The following ATF2 variants were observed in gnomAD, a reference collection of about 807,000 sequenced individuals.
The protein encoded by ATF2 is activating transcription factor 2.
In ATF2, 24 loss-of-function variants were observed where a neutral mutation model predicts 60.6. That is an observed-to-expected ratio of 0.40 (90% confidence interval 0.29 to 0.56). ATF2 has a LOEUF of 0.56. Among genes scored for constraint, ATF2 ranks in the 20% least tolerant of loss-of-function variants. The pLI is 0.54. For synonymous variants in ATF2, 206 were observed against 215.4 expected (o/e 0.96, Z 0.38); for missense variants, 433 against 607.7 (o/e 0.71, Z 3.02).
At chr2:175,158,720 T>C (rs1237484105) in intron 1 of ATF2, among the ~76,000 whole-genome samples, 2 of 152,020 alleles carry the variant, frequency 1.3e-5, no homozygotes, top group African/African-American at 4.8e-5. Context: ...CCCAAAGTGC[T>C]GGGATTGTAG....
At chr2:175,082,885 A>G (rs1243967472) in intron 12 of ATF2, among the ~76,000 whole-genome samples, 1 of 152,182 alleles carries the variant, frequency 6.6e-6, no homozygotes, top group East Asian at 1.9e-4. Context: ...TGCATAGGAA[A>G]GCATTTCACA....
intron 11 of ATF2, among the ~76,000 whole-genome samples, chr2:175,093,905 A>C (rs1694723638): frequency 6.6e-6 from 1 of 152,184 alleles, no homozygotes; most frequent in Non-Finnish European, 1.5e-5. Context: ...ATCCCACAGG[A>C]GCCTTAATTT....
intron 4 of ATF2, among the ~76,000 whole-genome samples, chr2:175,122,676 C>T (rs773421401): frequency 2.0e-5 from 3 of 151,968 alleles, no homozygotes; most frequent in African/African-American, 4.8e-5. Context: ...CTCATGTGTG[C>T]GGCACAATGC....
chr2:175,108,716 C>T lies in ATF2; in HGVS notation c.828+2852G>A, dbSNP rs539037160. The stretch of plus-strand genomic sequence containing the variant: ...TGAGAACGGGCCATGATGACGATGG[C>T]GGTTTTGCGGAATAGAAAAGGGGGA... On this transcript the variant is annotated intron_variant, in intron 10 of 13. Transcript: ENST00000264110. Among the ~76,000 whole-genome samples the T allele has an allele frequency of 9.2e-5, 14 of 152,170 alleles. No homozygotes were observed. The South Asian group carries it at 2.9e-3, about 32-fold the overall frequency.
intron 2 of ATF2, among the ~76,000 whole-genome samples, chr2:175,137,512 A>C (rs1476986789): frequency 1.3e-5 from 2 of 152,180 alleles, no homozygotes. Context: ...TTTAAACATC[A>C]ACTATACACA....
intron 11 of ATF2, among the ~76,000 whole-genome samples, chr2:175,095,095 T>C (rs1694839165): frequency 6.6e-6 from 1 of 152,056 alleles, no homozygotes; most frequent in African/African-American, 2.4e-5. Context: ...TCCTCCTATT[T>C]TTCTTTTTCT....
chr2:175,140,999 G>GA lies in ATF2; in HGVS notation c.-43-4514dup, dbSNP rs869208203. ...GGGATAGAGCAAGACCCTATCTCAGGAAAAAAAAAAAAAAAAAAAAAAAAA... is the reference window on the plus strand; with the variant it reads ...GGGATAGAGCAAGACCCTATCTCAGGAAAAAAAAAAAAAAAAAAAAAAAAAA... On this transcript the variant is annotated intron_variant, in intron 2 of 13. Transcript: ENST00000264110. 3.0e-4 allele frequency among the ~76,000 whole-genome samples: 8 copies of GA among 26,772 alleles called. 1 individual carries two copies. The highest frequency in any genetic ancestry group is 7.4e-4 in the Admixed American group (1 of 1,358). The allele number at this position is 26,772 out of a possible 152,430, so 17.6% of individuals were successfully genotyped here. A position where few individuals can be genotyped will look rare whatever the true frequency, so the allele number is the denominator to read the frequency against.
chr2:175,129,982 G>T (rs1335041323), intron 4 of ATF2, among the ~76,000 whole-genome samples, 156 bp downstream of exon 4: 2 of 151,758 alleles, frequency 1.3e-5, no homozygotes, highest in African/African-American at 4.8e-5. Flanking sequence ...AGAAAAAGCA[G>T]AATTTCTTGC....
chr2:175,154,527 A>G (rs1461206977), intron 1 of ATF2, among the ~76,000 whole-genome samples: 1 of 152,186 alleles, frequency 6.6e-6, no homozygotes, highest in Non-Finnish European at 1.5e-5. Context: ...TAAAAAGTAT[A>G]TTTAAATACA....
At chr2:175,082,439 C>G (rs981885228) in intron 12 of ATF2, among the ~76,000 whole-genome samples, 1 of 152,142 alleles carries the variant, frequency 6.6e-6, no homozygotes, top group Admixed American at 6.6e-5. Flanking sequence ...ATAAATGACA[C>G]TATTGATGAA....
At chr2:175,156,814 C>T (rs1699718611) in intron 1 of ATF2, among the ~76,000 whole-genome samples, 1 of 152,168 alleles carries the variant, frequency 6.6e-6, no homozygotes, top group Non-Finnish European at 1.5e-5. Context: ...TTCTGGCCTA[C>T]TAAAACTGTG....
chr2:175,163,072 T>C (rs1017490543), intron 1 of ATF2, among the ~76,000 whole-genome samples: 1 of 152,026 alleles, frequency 6.6e-6, no homozygotes, highest in African/African-American at 2.4e-5. Flanking sequence ...AGGCGGAGCT[T>C]GCAGTGAGCC....
intron 1 of ATF2, chr2:175,167,603 G>C (rs1371112540): frequency 6.3e-6 from 3 of 479,476 alleles, no homozygotes; most frequent in South Asian, 1.5e-5. Flanking sequence ...GGGGAGACCA[G>C]AGTGGGCCCT....
At position 175,073,723 on chromosome 2, in the gene ATF2, A is replaced by G. The variant is rs539563388; in HGVS notation, c.*886T>C. On this transcript the variant is annotated 3_prime_UTR_variant, in exon 14 of 14. Coordinates refer to ENST00000264110, the MANE Select transcript of ATF2 (RefSeq NM_001880.4). ...CTTTTCTGGCAACCATACCATACTT[A>G]ATTATGCATAAACTTTGCAGTTTGT... 1 of 152,148 alleles carries G rather than the reference A, an allele frequency of 6.6e-6. No homozygotes were observed. The highest frequency in any genetic ancestry group is 6.6e-5 in the Admixed American group (1 of 15,254). The allele number at this position is 152,148 out of a possible 1,614,324, so 9.4% of individuals were successfully genotyped here.
At chr2:175,085,553 TACACACACACACAC>T (rs56804408) in intron 12 of ATF2, among the ~76,000 whole-genome samples, 73 of 141,418 alleles carry the variant, frequency 5.2e-4, no homozygotes, top group East Asian at 1.0e-3. Context: ...ATACATAACA[TACACACACACACAC>T]ACACACACAC....
At chr2:175,128,275 C>T (rs985984119) in intron 4 of ATF2, among the ~76,000 whole-genome samples, 3 of 152,102 alleles carry the variant, frequency 2.0e-5, no homozygotes, top group Non-Finnish European at 2.9e-5. Context: ...CCGAGGCAGG[C>T]GGATCACCTG....
intron 3 of ATF2, among the ~76,000 whole-genome samples, chr2:175,136,091 G>C (rs1254898692): frequency 6.8e-6 from 1 of 146,884 alleles, no homozygotes; most frequent in Non-Finnish European, 1.5e-5. Context: ...GGAGCACCCA[G>C]AGTATGGCAT....
chr2:175,090,020 G>A (rs573750098), intron 12 of ATF2, among the ~76,000 whole-genome samples: 78 of 151,878 alleles, frequency 5.1e-4, no homozygotes, highest in African/African-American at 6.0e-4. Context: ...ACCTTTTTTC[G>A]TAATTTACCA....
At chr2:175,102,195 A>C (rs1309402430) in intron 10 of ATF2, among the ~76,000 whole-genome samples, 1 of 152,192 alleles carries the variant, frequency 6.6e-6, no homozygotes, top group Non-Finnish European at 1.5e-5. Context: ...CAGAAACTCC[A>C]AAAAACTGAA....
Sources: allele counts gnomAD v4.1 joint callset (sites outside exome capture counted in the v4.1 genomes callset), GRCh38; gene constraint gnomAD v4.1.1; transcripts MANE v1.5; gene names NCBI Gene and HGNC (gene_info 2026-07-23, HGNC 2026-07-21).